The following CADM1 variants were observed in gnomAD, a reference collection of about 807,000 sequenced individuals.
CADM1 encodes the protein TSLC-1.
Under a neutral mutation model 53.1 loss-of-function variants are expected in CADM1, and 15 were observed. That is an observed-to-expected ratio of 0.28 (90% CI 0.19 to 0.44). The LOEUF (loss-of-function observed/expected upper bound fraction) is 0.44. Among genes scored for constraint, CADM1 ranks in the 20% least tolerant of loss-of-function variants. The pLI is 1.00. For synonymous variants in CADM1, 281 were observed against 243.0 expected, an observed-to-expected ratio of 1.16 and a Z score of -1.45; for missense variants, 434 against 611.3, an observed-to-expected ratio of 0.71 and a Z score of 3.06.
intron 2 of CADM1, among the ~76,000 whole-genome samples, chr11:115,239,024 A>C (rs995226869): frequency 6.6e-6 from 1 of 152,146 alleles, no homozygotes; most frequent in Non-Finnish European, 1.5e-5. Context: ...GGGAAAAAGC[A>C]GGTCATGAGT....
chr11:115,325,024 G>C (rs1307947600), intron 1 of CADM1, among the ~76,000 whole-genome samples: 1 of 152,106 alleles, frequency 6.6e-6, no homozygotes, highest in Non-Finnish European at 1.5e-5. Context: ...GAGCTCAACC[G>C]TGCCTATCAC....
rs746455219 is a variant in CADM1, at chr11:115,198,433, T to C, written c.1084A>G (p.Thr362Ala). The C allele has an allele frequency of 2.5e-6, 4 of 1,595,712 alleles. No individual in the cohort carries two copies. Among genetic ancestry groups the C allele is most frequent in the Admixed American group, 1.7e-5 (1 of 59,850 alleles). ...TTILTIITDT[T>A]ATTEPAVHGL... ...TGAACTGCTGGTTCTGTCGTCGCCG[T>C]TGTGTCTACAGACGGGAACAGAGGA... Residue 362 changes from threonine to alanine, a missense_variant, in exon 9 of 12, where the codon ACG (threonine) becomes GCG (alanine). Coordinates refer to ENST00000331581, the MANE Select transcript of CADM1 (RefSeq NM_001301043.2).
chr11:115,212,795 C>G (rs1484066467), intron 7 of CADM1, among the ~76,000 whole-genome samples: 1 of 152,156 alleles, frequency 6.6e-6, no homozygotes, highest in Admixed American at 6.6e-5. Context: ...AGTTTATCAT[C>G]TGTAAAATGG....
At chr11:115,272,352 T>A (rs962615778) in intron 1 of CADM1, among the ~76,000 whole-genome samples, 24 of 148,848 alleles carry the variant, frequency 1.6e-4, no homozygotes, top group African/African-American at 4.9e-4. Context: ...ATGAACAGAT[T>A]TTTTTTTTGC....
intron 1 of CADM1, among the ~76,000 whole-genome samples, chr11:115,393,657 C>G (rs1212373052): frequency 1.3e-5 from 2 of 151,484 alleles, no homozygotes; most frequent in Admixed American, 6.6e-5. Flanking sequence ...CTTATAGGGT[C>G]CATTCATTCC....
intron 1 of CADM1, among the ~76,000 whole-genome samples, chr11:115,498,911 A>C (rs533346440): frequency 5.5e-4 from 84 of 152,332 alleles, no homozygotes; most frequent in African/African-American, 1.9e-3. Context: ...GAAAGGAAGA[A>C]GCACAGAGGG....
intron 1 of CADM1, among the ~76,000 whole-genome samples, chr11:115,456,362 C>T (rs1591262954): frequency 2.0e-5 from 3 of 151,756 alleles, no homozygotes. Flanking sequence ...TTAGATTCTA[C>T]ATACTTGATA....
intron 1 of CADM1, among the ~76,000 whole-genome samples, chr11:115,247,505 A>G (rs1942444813): frequency 6.6e-6 from 1 of 152,238 alleles, no homozygotes; most frequent in African/African-American, 2.4e-5. Flanking sequence ...GTCTGCAGGG[A>G]ATCACATCTA....
intron 1 of CADM1, among the ~76,000 whole-genome samples, chr11:115,329,233 G>A (rs550830184): frequency 6.6e-6 from 1 of 152,100 alleles, no homozygotes; most frequent in Non-Finnish European, 1.5e-5. Context: ...CTGGAATGTA[G>A]TGTGGTATAT....
At chr11:115,280,553 C>T (rs777829517) in intron 1 of CADM1, among the ~76,000 whole-genome samples, 8 of 152,188 alleles carry the variant, frequency 5.3e-5, no homozygotes, top group Non-Finnish European at 1.0e-4. Context: ...GAACTTTACC[C>T]TGATAAGGCA....
intron 1 of CADM1, among the ~76,000 whole-genome samples, chr11:115,373,638 A>C (rs1230733872): frequency 4.0e-5 from 6 of 151,572 alleles, no homozygotes; most frequent in African/African-American, 1.5e-4. Context: ...GAATGTGGAC[A>C]ATCAACAAAG....
At chr11:115,203,870 A>G (rs1032529045) in intron 8 of CADM1, among the ~76,000 whole-genome samples, 12 of 152,186 alleles carry the variant, frequency 7.9e-5, no homozygotes, top group Non-Finnish European at 1.6e-4. Context: ...GGAAAAAAAA[A>G]TGTAGACACT....
At chr11:115,488,697 T>A (rs537312590) in intron 1 of CADM1, among the ~76,000 whole-genome samples, 79 of 152,244 alleles carry the variant, frequency 5.2e-4, no homozygotes, top group Admixed American at 1.0e-3. Context: ...ACTTTCTGTT[T>A]AAAGCTAGAT....
chr11:115,349,523 G>A (rs1039525012), intron 1 of CADM1, among the ~76,000 whole-genome samples: 3 of 152,092 alleles, frequency 2.0e-5, no homozygotes, highest in Admixed American at 6.5e-5. Flanking sequence ...AACCTCCACT[G>A]CCTCAGCTGA....
intron 8 of CADM1, among the ~76,000 whole-genome samples, chr11:115,207,150 T>C (rs867056152): frequency 9.9e-5 from 15 of 152,126 alleles, no homozygotes; most frequent in Middle Eastern, 3.2e-3. Flanking sequence ...AATTCTACAA[T>C]GTTGTGTTAG....
chr11:115,356,352 T>C (rs1335519633), intron 1 of CADM1, among the ~76,000 whole-genome samples: 1 of 151,612 alleles, frequency 6.6e-6, no homozygotes, highest in Non-Finnish European at 1.5e-5. Flanking sequence ...TATAAAAATA[T>C]TAACAATTTT....
chr11:115,447,351 T>G (rs1418232135), intron 1 of CADM1, among the ~76,000 whole-genome samples: 2 of 152,300 alleles, frequency 1.3e-5, no homozygotes, highest in South Asian at 4.1e-4. Flanking sequence ...TCTTTTCACC[T>G]GTAAAATGGG....
chr11:115,356,150 C>T (rs1313537234), intron 1 of CADM1, among the ~76,000 whole-genome samples: 4 of 151,648 alleles, frequency 2.6e-5, no homozygotes, highest in Non-Finnish European at 5.9e-5. Context: ...TATAATATAA[C>T]TCACATAGGA....
At chr11:115,376,472 A>G (rs1467433341) in intron 1 of CADM1, among the ~76,000 whole-genome samples, 8 of 152,152 alleles carry the variant, frequency 5.3e-5, no homozygotes, top group Non-Finnish European at 8.8e-5. Context: ...ATACAGGGAG[A>G]AGACAAAAGA....
Sources: allele counts gnomAD v4.1 joint callset (sites outside exome capture counted in the v4.1 genomes callset), GRCh38; gene constraint gnomAD v4.1.1; transcripts MANE v1.5; gene names NCBI Gene and HGNC (gene_info 2026-07-23, HGNC 2026-07-21).